The following TANGO2 variants were observed in gnomAD, a reference collection of about 807,000 sequenced individuals.
TANGO2 encodes transport and golgi organization 2 homolog.
TANGO2 carries 26 observed loss-of-function variants against 39.1 expected under a neutral mutation model. The ratio of observed to expected loss-of-function variants is 0.67; its 90% CI spans 0.49 to 0.92. The LOEUF is 0.92. TANGO2 is among the 40% of genes least tolerant of loss of function. The pLI, the probability that TANGO2 is intolerant of heterozygous loss-of-function variation, is 0.00. For missense variants in TANGO2, 326 were observed against 360.1 expected, an observed-to-expected ratio of 0.91 and a Z score of 0.77; for synonymous variants, 131 against 144.5, an observed-to-expected ratio of 0.91 and a Z score of 0.67.
At chr22:20,025,195 C>T (rs977328564) in intron 1 of TANGO2, among the ~76,000 whole-genome samples, 6 of 149,986 alleles carry the variant, frequency 4.0e-5, no homozygotes, top group African/African-American at 7.3e-5. Context: ...AGGTTCAATG[C>T]GATTCTCCTG....
chr22:20,053,575 C>A, intron 5 of TANGO2, 24 bp downstream of exon 5: 1 of 1,497,282 alleles, frequency 6.7e-7, no homozygotes, highest in Non-Finnish European at 9.3e-7. Flanking sequence ...AGGGGGATGG[C>A]GGCTCTGCCC....
intron 2 of TANGO2, among the ~76,000 whole-genome samples, chr22:20,041,775 G>A (rs1322822096): frequency 6.6e-6 from 1 of 152,196 alleles, no homozygotes; most frequent in Non-Finnish European, 1.5e-5. Context: ...CCAATTTTAT[G>A]AATGTCTGTT....
intron 4 of TANGO2, 122 bp from the exon 5 acceptor site, chr22:20,053,315 G>C (rs531831717): frequency 9.0e-6 from 6 of 670,256 alleles, no homozygotes; most frequent in African/African-American, 8.8e-5. Flanking sequence ...GTCATGACAG[G>C]CCAGGGCTCC....
At chr22:20,037,833 C>T (rs779331972) in intron 2 of TANGO2, among the ~76,000 whole-genome samples, 40 of 152,174 alleles carry the variant, frequency 2.6e-4, no homozygotes, top group Non-Finnish European at 5.1e-4. Flanking sequence ...CACGGTGGCT[C>T]ACGCCTGTAA....
Position 20,057,319 on chromosome 22 carries a change from G to T in TANGO2, c.451+1306G>T, listed in dbSNP as rs2047556751. On this transcript the variant is annotated intron_variant, in intron 6 of 8. Coordinates refer to ENST00000327374, the MANE Select transcript of TANGO2 (RefSeq NM_152906.7). The surrounding 1 kb of genome is among the most constrained non-coding windows in gnomAD (Gnocchi z 4.1). Reference sequence around the variant, plus strand: ...TCTGCCCAGTGATGTTTCATCCACAGATAGGCCCAGCCCCCATTTGCTAGG... The same window carrying T: ...TCTGCCCAGTGATGTTTCATCCACATATAGGCCCAGCCCCCATTTGCTAGG... 6.6e-6 allele frequency among the ~76,000 whole-genome samples: 1 copy of T among 152,190 alleles called. No homozygotes were observed. The highest frequency in any genetic ancestry group is 6.5e-5 in the Admixed American group (1 of 15,282).
intron 2 of TANGO2, among the ~76,000 whole-genome samples, chr22:20,041,685 A>G (rs1007771543): frequency 2.6e-5 from 4 of 152,052 alleles, no homozygotes; most frequent in Non-Finnish European, 5.9e-5. Context: ...TGACCTCATG[A>G]TCCACCCACC....
At chr22:20,062,606 T>C (rs1272655634) in intron 7 of TANGO2, among the ~76,000 whole-genome samples, 2 of 152,230 alleles carry the variant, frequency 1.3e-5, no homozygotes, top group Non-Finnish European at 2.9e-5. Context: ...CAATGTGCCA[T>C]CTGGGGCAGG....
In TANGO2 at chr22:20,052,595, TG is replaced by T; in HGVS notation, c.265+15del. ...AGGCCCGAGGGCGAGGTAAGGCGAG[TG>T]GGGTGGGGCCAAGGTGAGACAGGGT... On this transcript the variant is annotated intron_variant, in intron 4 of 8. Transcript: ENST00000327374. 1 of 1,298,806 alleles carries T rather than the reference TG, an allele frequency of 7.7e-7. No homozygotes were observed. The highest frequency in any genetic ancestry group is 4.0e-5 in the East Asian group (1 of 24,856). 80.5% of individuals were successfully genotyped at this position (1,298,806 alleles called of 1,614,324 possible).
intron 4 of TANGO2, 71 bp from the exon 5 acceptor site, chr22:20,053,366 C>A: frequency 8.9e-7 from 1 of 1,119,384 alleles, no homozygotes; most frequent in Non-Finnish European, 1.4e-6. Context: ...CCAGGGGGCC[C>A]CATATCAGTG....
chr22:20,021,365 C>T (rs56270168), intron 1 of TANGO2, 119 bp downstream of exon 1: 25,786 of 152,342 alleles, frequency 0.17, 2,920 homozygotes, highest in Non-Finnish European at 0.24. Context: ...GAAAATGCCC[C>T]GCGCGTTACT....
At chr22:20,052,301 A>G (rs539237646) in intron 3 of TANGO2, among the ~76,000 whole-genome samples, 164 bp from the exon 4 acceptor site, 17 of 152,336 alleles carry the variant, frequency 1.1e-4, no homozygotes, top group Non-Finnish European at 1.9e-4. Context: ...GAAGAGTTCC[A>G]GCCACGATTC....
chr22:20,060,123 G>A (rs185156546), intron 6 of TANGO2, among the ~76,000 whole-genome samples: 1 of 152,142 alleles, frequency 6.6e-6, no homozygotes, highest in East Asian at 1.9e-4. Context: ...GCCAAGGCGG[G>A]TGGATCACAA....
intron 6 of TANGO2, chr22:20,056,964 C>G: frequency 2.2e-6 from 1 of 456,358 alleles, no homozygotes. Context: ...CCCTTAGCGC[C>G]ACCCACACCC....
upstream of TANGO2, among the ~76,000 whole-genome samples, chr22:20,020,466 G>A (rs998017278): frequency 2.0e-5 from 3 of 151,698 alleles, no homozygotes; most frequent in African/African-American, 7.3e-5. Context: ...CCAGCCCCTC[G>A]TCGCTGGGGC....
chr22:20,063,920 C>T (rs544707143), intron 8 of TANGO2, among the ~76,000 whole-genome samples: 18 of 152,384 alleles, frequency 1.2e-4, no homozygotes, highest in African/African-American at 3.8e-4. Context: ...GCCGCATAGC[C>T]GCTGGGTCCC....
At chr22:20,061,726 C>T (rs778599944) in intron 7 of TANGO2, 43 bp downstream of exon 7, 187 of 1,506,866 alleles carry the variant, frequency 1.2e-4, no homozygotes, top group Non-Finnish European at 1.6e-4. Flanking sequence ...AGTGTCCCGC[C>T]ACCAGGGCAG....
At chr22:20,051,679 T>C (rs2046367186) in intron 3 of TANGO2, among the ~76,000 whole-genome samples, 2 of 152,018 alleles carry the variant, frequency 1.3e-5, no homozygotes, top group South Asian at 2.1e-4. Context: ...CAGCAAAACT[T>C]TGTCTGTACA....
chr22:20,036,162 C>T (rs942884140), intron 1 of TANGO2, among the ~76,000 whole-genome samples: 1 of 152,098 alleles, frequency 6.6e-6, no homozygotes, highest in African/African-American at 2.4e-5. Flanking sequence ...GCAAGACAAG[C>T]CCCCAAAAAA....
At position 20,064,523 on chromosome 22, in the gene TANGO2, G is replaced by A; in HGVS notation, c.711-19G>A. The A allele has an allele frequency of 6.2e-7, 1 of 1,613,862 alleles. No homozygotes were observed. ...GGCTGAGGGACACCAGGTGAACGAG[G>A]GCCCCTGCTCTCTTTCAGAACCAAC... On this transcript the variant is annotated intron_variant, in intron 8 of 8. Transcript: ENST00000327374.
Sources: allele counts gnomAD v4.1 joint callset (sites outside exome capture counted in the v4.1 genomes callset), GRCh38; gene constraint gnomAD v4.1.1; non-coding constraint Gnocchi (gnomAD v3.1); transcripts MANE v1.5; gene names NCBI Gene and HGNC (gene_info 2026-07-23, HGNC 2026-07-21).